NELL2: variants seen among roughly 807,000 people sequenced by gnomAD.
NELL2 encodes the protein protein kinase C-binding protein NELL2.
A neutral mutation model predicts 109.6 loss-of-function variants in NELL2; 41 were observed. The ratio of observed to expected loss-of-function variants is 0.37; its 90% confidence interval spans 0.29 to 0.49. NELL2 has a LOEUF of 0.49. Ranked by LOEUF, NELL2 falls within the 20% of genes least tolerant of loss-of-function variation. The pLI is 0.98. For missense variants in NELL2, 900 were observed against 1,008.3 expected (o/e 0.89, Z 1.45); for synonymous variants, 355 against 344.7 (o/e 1.03, Z -0.33).
chr12:44,553,865 T>C (rs1943137383), intron 15 of NELL2, among the ~76,000 whole-genome samples: 1 of 152,098 alleles, frequency 6.6e-6, no homozygotes, highest in Non-Finnish European at 1.5e-5. Context: ...CAACACATTA[T>C]TCCACACACA....
chr12:44,842,517 C>T (rs1944259145), intron 2 of NELL2, among the ~76,000 whole-genome samples: 1 of 152,188 alleles, frequency 6.6e-6, no homozygotes, highest in South Asian at 2.1e-4. Context: ...GAGAATATCT[C>T]TGAGAACTTG....
At chr12:44,681,178 C>G (rs1226524487) in intron 12 of NELL2, among the ~76,000 whole-genome samples, 2 of 150,414 alleles carry the variant, frequency 1.3e-5, no homozygotes, top group Non-Finnish European at 3.0e-5. Context: ...TACACCATTT[C>G]TCTTACTATG....
chr12:44,844,866 T>C (rs553884965), intron 2 of NELL2, among the ~76,000 whole-genome samples: 34 of 152,252 alleles, frequency 2.2e-4, no homozygotes, highest in Admixed American at 2.2e-3. Context: ...CTGGAAGAGT[T>C]TTTCACTGTG....
At chr12:44,812,392 A>C (rs1943208837) in intron 3 of NELL2, among the ~76,000 whole-genome samples, 1 of 152,182 alleles carries the variant, frequency 6.6e-6, no homozygotes, top group Non-Finnish European at 1.5e-5. Context: ...AAGGACACTT[A>C]CTACCTTGAC....
intron 15 of NELL2, among the ~76,000 whole-genome samples, chr12:44,599,910 A>G (rs888899084): frequency 4.0e-5 from 6 of 151,534 alleles, no homozygotes; most frequent in African/African-American, 1.5e-4. Flanking sequence ...AGGCCCCCCA[A>G]AAACAATGGA....
intron 16 of NELL2, among the ~76,000 whole-genome samples, chr12:44,526,779 A>G (rs1758628249): frequency 1.3e-5 from 2 of 152,234 alleles, no homozygotes; most frequent in African/African-American, 4.8e-5. Flanking sequence ...AGAAGTGTTC[A>G]GTCTAGGACT....
At chr12:44,791,788 T>A (rs957917541) in intron 3 of NELL2, among the ~76,000 whole-genome samples, 1 of 152,046 alleles carries the variant, frequency 6.6e-6, no homozygotes, top group Non-Finnish European at 1.5e-5. Flanking sequence ...AGATATGTTA[T>A]ATTTAAGGTA....
intron 9 of NELL2, among the ~76,000 whole-genome samples, chr12:44,757,964 T>C (rs1176946985): frequency 6.6e-6 from 1 of 151,978 alleles, no homozygotes; most frequent in Non-Finnish European, 1.5e-5. Context: ...TATGGGGATA[T>C]TAGTTAGGGA....
intron 19 of NELL2, among the ~76,000 whole-genome samples, chr12:44,514,901 TGAG>T (rs1414839834): frequency 2.0e-5 from 3 of 151,096 alleles, no homozygotes; most frequent in Non-Finnish European, 4.4e-5. Context: ...ATATTTTATA[TGAG>T]TAGTATAATA....
At chr12:44,553,191 G>A (rs959637037) in intron 15 of NELL2, among the ~76,000 whole-genome samples, 5 of 149,482 alleles carry the variant, frequency 3.3e-5, no homozygotes, top group Admixed American at 3.3e-4. Context: ...AGTGGGTGCA[G>A]CGCACCAGCA....
At chr12:44,828,477 A>G (rs1352732477) in intron 2 of NELL2, among the ~76,000 whole-genome samples, 1 of 152,186 alleles carries the variant, frequency 6.6e-6, no homozygotes, top group Non-Finnish European at 1.5e-5. Flanking sequence ...CATAATAAAC[A>G]TATACATTTC....
chr12:44,711,501 G>T, intron 10 of NELL2, 107 bp from the exon 11 acceptor site: 1 of 864,154 alleles, frequency 1.2e-6, no homozygotes, highest in Non-Finnish European at 1.9e-6. Context: ...AGAAATTTTT[G>T]TCCTGAGGAC....
chr12:44,548,522 G>C (rs1942896294), intron 15 of NELL2, among the ~76,000 whole-genome samples: 1 of 148,806 alleles, frequency 6.7e-6, no homozygotes, highest in Non-Finnish European at 1.5e-5. Flanking sequence ...ACCAGCCCGG[G>C]TGACAGTGTG....
chr12:44,773,163 A>C (rs775875288), intron 9 of NELL2, among the ~76,000 whole-genome samples: 10 of 152,186 alleles, frequency 6.6e-5, no homozygotes, highest in Non-Finnish European at 1.0e-4. Context: ...AAAATTATGG[A>C]TGTAAAGAAA....
chr12:44,784,339 A>G (rs570191902), intron 3 of NELL2, among the ~76,000 whole-genome samples: 2 of 152,182 alleles, frequency 1.3e-5, no homozygotes, highest in East Asian at 3.9e-4. Context: ...GAAAAGAAAA[A>G]GGAAAAGGAA....
At chr12:44,804,125 A>G (rs1942922379) in intron 3 of NELL2, among the ~76,000 whole-genome samples, 1 of 151,946 alleles carries the variant, frequency 6.6e-6, no homozygotes, top group Non-Finnish European at 1.5e-5. Flanking sequence ...AATAATTGAT[A>G]TATTCTATGA....
intron 3 of NELL2, among the ~76,000 whole-genome samples, chr12:44,810,307 T>C (rs1399287682): frequency 6.6e-6 from 1 of 152,106 alleles, no homozygotes; most frequent in Non-Finnish European, 1.5e-5. Flanking sequence ...TTGTCAACTA[T>C]GTAAATATTT....
chr12:44,701,924 C>T (rs975565634), intron 12 of NELL2, among the ~76,000 whole-genome samples: 1 of 152,124 alleles, frequency 6.6e-6, no homozygotes. Flanking sequence ...TTACCTGGCC[C>T]CTGCCTAATT....
At chr12:44,847,924 C>T (rs897418870) in intron 2 of NELL2, among the ~76,000 whole-genome samples, 3 of 149,322 alleles carry the variant, frequency 2.0e-5, no homozygotes, top group African/African-American at 7.4e-5. Flanking sequence ...CCCAAGTACT[C>T]GGGAGGCTGA....
Sources: allele counts gnomAD v4.1 joint callset (sites outside exome capture counted in the v4.1 genomes callset), GRCh38; gene constraint gnomAD v4.1.1; transcripts MANE v1.5; gene names NCBI Gene and HGNC (gene_info 2026-07-23, HGNC 2026-07-21).